Variants in TNFAIP6 observed in about 807,000 individuals in gnomAD.
The protein encoded by TNFAIP6 is TNF alpha induced protein 6, also known as tumor necrosis factor-inducible gene 6 protein.
Under a neutral mutation model 33.7 loss-of-function variants are expected in TNFAIP6, and 36 were observed. The ratio of observed to expected loss-of-function variants is 1.07; its 90% confidence interval spans 0.82 to 1.41. The LOEUF (loss-of-function observed/expected upper bound fraction) is 1.41. TNFAIP6 is among the 40% of genes most tolerant of loss of function. TNFAIP6 has a pLI of 0.00. For synonymous variants in TNFAIP6, 113 were observed against 112.8 expected (o/e 1.00, Z -0.01); for missense variants, 273 against 331.9 (o/e 0.82, Z 1.38).
chr2:151,365,156 C>A (rs185103744), intron 2 of TNFAIP6, among the ~76,000 whole-genome samples: 3 of 152,280 alleles, frequency 2.0e-5, no homozygotes, highest in Admixed American at 2.0e-4. Flanking sequence ...GCCTAGGCAA[C>A]ATAGCGAAAC....
Position 151,379,730 on chromosome 2 carries a change from A to G in TNFAIP6, c.*197A>G. On this transcript the variant is annotated 3_prime_UTR_variant, in exon 6 of 6. Transcript: ENST00000243347. ...CCTCTCATAATCCCACTGCATAGAA[A>G]TAACAAGCGTTAACATTTTCATATT... The G allele has an allele frequency of 2.6e-6, 1 of 382,076 alleles. No homozygotes were observed. Among genetic ancestry groups the G allele is most frequent in the Non-Finnish European group, 4.5e-6 (1 of 220,800 alleles). 23.7% of individuals were successfully genotyped at this position (382,076 alleles called of 1,614,324 possible).
chr2:151,369,941 TA>T, intron 3 of TNFAIP6, 78 bp from the exon 4 acceptor site: 1 of 1,109,354 alleles, frequency 9.0e-7, no homozygotes. Context: ...AATAGATTGC[TA>T]AGAAATGTCA....
At chr2:151,358,830 G>C (rs1453460684) in intron 1 of TNFAIP6, among the ~76,000 whole-genome samples, 3 of 152,052 alleles carry the variant, frequency 2.0e-5, no homozygotes, top group Non-Finnish European at 4.4e-5. Context: ...GATCCATTTG[G>C]CCAAGACGGG....
chr2:151,376,418 C>CAA (rs34551708), intron 5 of TNFAIP6, among the ~76,000 whole-genome samples: 1 of 114,880 alleles, frequency 8.7e-6, no homozygotes, highest in African/African-American at 3.2e-5. Context: ...TATTCTGTCT[C>CAA]AAAAAAAAAA....
chr2:151,372,860 C>T lies in TNFAIP6; in HGVS notation c.624-689C>T, dbSNP rs1056504288. On this transcript the variant is annotated intron_variant, in intron 4 of 5. Transcript: ENST00000243347. ...ACTTGAACCCAGGAGGCAGAGGTTG[C>T]AGTGAGCTGAGATTGTGCCATTGTA... 2.6e-5 allele frequency among the ~76,000 whole-genome samples: 4 copies of T among 152,120 alleles called. No homozygotes were observed. The East Asian group carries it at 7.7e-4, about 29-fold the overall frequency.
chr2:151,359,605 G>C (rs895070420), intron 1 of TNFAIP6, among the ~76,000 whole-genome samples: 5 of 152,100 alleles, frequency 3.3e-5, no homozygotes, highest in Non-Finnish European at 5.9e-5. Flanking sequence ...AGCCAGGGTG[G>C]TCTCAATCTC....
At chr2:151,371,821 C>G (rs1684821013) in intron 4 of TNFAIP6, among the ~76,000 whole-genome samples, 1 of 152,196 alleles carries the variant, frequency 6.6e-6, no homozygotes, top group Non-Finnish European at 1.5e-5. Flanking sequence ...TCTCAAACTC[C>G]TGACTTCAGG....
intron 5 of TNFAIP6, among the ~76,000 whole-genome samples, chr2:151,375,075 A>G (rs962964353): frequency 6.7e-6 from 1 of 149,786 alleles, no homozygotes; most frequent in African/African-American, 2.5e-5. Context: ...TGGTGAGCCA[A>G]GATAGCGCCA....
downstream of TNFAIP6, among the ~76,000 whole-genome samples, chr2:151,380,315 G>T (rs1373851224): frequency 1.3e-5 from 2 of 151,406 alleles, no homozygotes; most frequent in Non-Finnish European, 2.9e-5. Flanking sequence ...TATTATATAT[G>T]TCCATGTTTG....
intron 5 of TNFAIP6, 89 bp from the exon 6 acceptor site, chr2:151,379,275 T>C (rs1684973834): frequency 8.3e-7 from 1 of 1,199,094 alleles, no homozygotes; most frequent in Non-Finnish European, 1.1e-6. Flanking sequence ...AATTCTTATA[T>C]TCTCCTATGA....
intron 1 of TNFAIP6, among the ~76,000 whole-genome samples, chr2:151,362,208 T>C (rs1299177592): frequency 6.6e-6 from 1 of 152,174 alleles, no homozygotes; most frequent in Non-Finnish European, 1.5e-5. Context: ...ATTGTTTCTA[T>C]GGTAGAAGGG....
intron 1 of TNFAIP6, among the ~76,000 whole-genome samples, chr2:151,360,010 G>T (rs1392871520): frequency 6.6e-6 from 1 of 152,174 alleles, no homozygotes; most frequent in Non-Finnish European, 1.5e-5. Flanking sequence ...AGAAGGGAAA[G>T]GAAGGTGGGA....
chr2:151,357,684 C>G lies in TNFAIP6; in HGVS notation c.18C>G (p.Tyr6Ter). The G allele has an allele frequency of 6.2e-7, 1 of 1,610,598 alleles. No homozygotes were observed. The highest frequency in any genetic ancestry group is 2.2e-5 in the East Asian group (1 of 44,844). The part of the protein sequence containing the change: MIILI[Y>*]LFLLLWEDTQ... Reference sequence around the variant, plus strand: ...CTGACGATATGATCATCTTAATTTACTTATTTCTCTTGCTATGGGAAGACA... The same window carrying G: ...CTGACGATATGATCATCTTAATTTAGTTATTTCTCTTGCTATGGGAAGACA... The change falls in exon 1 of 6, where the codon TAC becomes TAG. Residue 6 changes from tyrosine (Y) to a stop codon, truncating the protein, a stop_gained. Coordinates refer to ENST00000243347, the MANE Select transcript of TNFAIP6 (RefSeq NM_007115.4). LOFTEE classifies it high-confidence loss of function.
intron 4 of TNFAIP6, among the ~76,000 whole-genome samples, chr2:151,370,536 T>A (rs1020637256): frequency 2.0e-5 from 3 of 150,096 alleles, no homozygotes; most frequent in African/African-American, 7.6e-5. Flanking sequence ...TAGTGAGAGC[T>A]GCCTTTTGAT....
intron 3 of TNFAIP6, among the ~76,000 whole-genome samples, chr2:151,366,704 G>T (rs1331623883): frequency 1.3e-5 from 2 of 152,200 alleles, no homozygotes; most frequent in African/African-American, 4.8e-5. Flanking sequence ...AGGAGACAAA[G>T]TAAACAAATA....
chr2:151,372,646 A>G (rs1012464806), intron 4 of TNFAIP6, among the ~76,000 whole-genome samples: 10 of 152,308 alleles, frequency 6.6e-5, no homozygotes, highest in Non-Finnish European at 1.3e-4. Context: ...AAGGCTGGAC[A>G]CAGTGGCTTA....
intron 4 of TNFAIP6, chr2:151,372,374 G>T (rs1464654420): frequency 6.6e-6 from 1 of 151,808 alleles, no homozygotes; most frequent in Admixed American, 6.6e-5. Flanking sequence ...TACCCTTTAG[G>T]TAAATTTAGA....
chr2:151,378,044 G>A (rs1684947412), intron 5 of TNFAIP6, among the ~76,000 whole-genome samples: 1 of 152,140 alleles, frequency 6.6e-6, no homozygotes, highest in South Asian at 2.1e-4. Context: ...ATAGATAAAA[G>A]CAAGCATTAG....
intron 3 of TNFAIP6, among the ~76,000 whole-genome samples, chr2:151,367,810 G>A (rs1037151696): frequency 1.3e-5 from 2 of 151,658 alleles, no homozygotes; most frequent in South Asian, 2.1e-4. Flanking sequence ...AGACTTGACC[G>A]CCTGAACTAG....
Sources: allele counts gnomAD v4.1 joint callset (sites outside exome capture counted in the v4.1 genomes callset), GRCh38; gene constraint gnomAD v4.1.1; transcripts MANE v1.5; gene names NCBI Gene and HGNC (gene_info 2026-07-23, HGNC 2026-07-21).